The following PRKCH variants were observed in gnomAD, a reference collection of about 807,000 sequenced individuals.
PRKCH encodes protein kinase C eta type.
In PRKCH, 28 loss-of-function variants were observed where a neutral mutation model predicts 82.5. The ratio of observed to expected loss-of-function variants is 0.34; its 90% confidence interval spans 0.25 to 0.47. The LOEUF is 0.47. Among genes scored for constraint, PRKCH ranks in the 20% least tolerant of loss-of-function variants. The probability of loss-of-function intolerance (pLI) is 1.00; values close to 1 mark genes in which losing one functional copy is unlikely to be tolerated. For missense variants in PRKCH, 705 were observed against 881.8 expected, an observed-to-expected ratio of 0.80 and a Z score of 2.54; for synonymous variants, 322 against 327.4, an observed-to-expected ratio of 0.98 and a Z score of 0.18.
At chr14:61,392,063 T>A (rs2046691117) in intron 2 of PRKCH, among the ~76,000 whole-genome samples, 1 of 152,206 alleles carries the variant, frequency 6.6e-6, no homozygotes, top group Admixed American at 6.5e-5. Flanking sequence ...TTTAGAAGAT[T>A]CATATCATTG....
intron 9 of PRKCH, among the ~76,000 whole-genome samples, chr14:61,473,439 C>G (rs933530963): frequency 6.6e-6 from 1 of 152,134 alleles, no homozygotes; most frequent in African/African-American, 2.4e-5. Flanking sequence ...ATGCTGGGCC[C>G]GTGATCTGGG....
At chr14:61,530,785 C>G (rs1395842562) in intron 12 of PRKCH, among the ~76,000 whole-genome samples, 190 bp downstream of exon 12, 1 of 152,234 alleles carries the variant, frequency 6.6e-6, no homozygotes, top group African/African-American at 2.4e-5. Context: ...AATAGACCCT[C>G]TCTTATGCAG....
chr14:61,549,230 A>T (rs2043297123), intron 13 of PRKCH, among the ~76,000 whole-genome samples: 2 of 152,214 alleles, frequency 1.3e-5, no homozygotes, highest in Admixed American at 1.3e-4. Flanking sequence ...CACTTGCAAG[A>T]AATCTTTTGG....
chr14:61,440,106 C>G (rs1451760294), intron 2 of PRKCH, among the ~76,000 whole-genome samples: 1 of 152,166 alleles, frequency 6.6e-6, no homozygotes, highest in Non-Finnish European at 1.5e-5. Context: ...TGAGCTGGGT[C>G]TCAGGCTGGT....
intron 12 of PRKCH, among the ~76,000 whole-genome samples, chr14:61,538,778 C>T (rs1252855193): frequency 6.6e-6 from 1 of 152,192 alleles, no homozygotes; most frequent in Non-Finnish European, 1.5e-5. Flanking sequence ...TCCTTGCCAA[C>T]TATCAAAGGT....
chr14:61,210,116 ATATATATATATATATATATATATATATAT>A (rs2044560106), intron 1 of PRKCH, among the ~76,000 whole-genome samples: 2 of 13,560 alleles, frequency 1.5e-4, no homozygotes, highest in African/African-American at 1.2e-3. Flanking sequence ...AAACAAATAT[ATATATATATATATATATATATATATATAT>A]ATATATATAT....
intron 10 of PRKCH, among the ~76,000 whole-genome samples, chr14:61,527,741 T>C (rs886098919): frequency 1.4e-4 from 22 of 152,188 alleles, no homozygotes; most frequent in Admixed American, 3.9e-4. Context: ...AGATTTTTCA[T>C]GGCCCCAGCA....
upstream of PRKCH, among the ~76,000 whole-genome samples, chr14:61,316,910 G>C (rs1333688654): frequency 6.6e-6 from 1 of 152,188 alleles, no homozygotes; most frequent in Non-Finnish European, 1.5e-5. Context: ...ATGAGGAACA[G>C]GGAGAGGGGA....
chr14:61,364,632 C>G (rs990291739), intron 1 of PRKCH, among the ~76,000 whole-genome samples: 10 of 151,800 alleles, frequency 6.6e-5, no homozygotes, highest in Admixed American at 6.6e-5. Flanking sequence ...CTCAGGAGTT[C>G]GAGAGACCAG....
At chr14:61,380,009 C>T (rs574094416) in intron 1 of PRKCH, among the ~76,000 whole-genome samples, 9 of 152,090 alleles carry the variant, frequency 5.9e-5, no homozygotes, top group African/African-American at 1.7e-4. Flanking sequence ...TCCCTAGGGA[C>T]GTCTTATCAG....
rs1454026009 is a variant in PRKCH, at chr14:61,280,878, G to A, written c.-19+93210G>A. 7 of 1,561,284 alleles carry A rather than the reference G, an allele frequency of 4.5e-6. No homozygotes were observed. The East Asian group carries it at 6.9e-5, about 15-fold the overall frequency. On this transcript the variant is annotated intron_variant, in intron 1 of 3. Coordinates refer to the PRKCH transcript ENST00000555185. This position sits in a 1 kb window ranked among gnomAD's most constrained non-coding sequence, Gnocchi z 5.0. ...AGAAGTACCAGGCGCACGAGCAGGG[G>A]GGCGGCAGCGCCCGGCCCTGGCCAG...
rs775228071 is a variant in PRKCH, at chr14:61,485,441, C to T, written c.1279-61C>T. 58 of 1,565,146 alleles carry T rather than the reference C, an allele frequency of 3.7e-5. No individual in the cohort carries two copies. In the East Asian group the frequency reaches 8.6e-4, roughly 23 times the overall value. ...TGCCACAGCCTTAGGCAATATGCTG[C>T]TGATGGAGCTCTAGGTTAATTGCTA... On this transcript the variant is annotated intron_variant, in intron 9 of 13. Coordinates refer to ENST00000332981, the MANE Select transcript of PRKCH (RefSeq NM_006255.5).
intron 1 of PRKCH, among the ~76,000 whole-genome samples, chr14:61,290,260 C>G (rs865911400): frequency 6.6e-6 from 1 of 151,740 alleles, no homozygotes; most frequent in African/African-American, 2.4e-5. Flanking sequence ...CCAGTGCACT[C>G]CAGCCTGGGC....
intron 1 of PRKCH, among the ~76,000 whole-genome samples, chr14:61,242,762 T>C (rs190384528): frequency 6.6e-6 from 1 of 152,298 alleles, no homozygotes; most frequent in East Asian, 1.9e-4. Flanking sequence ...CCCTGGGAGA[T>C]AGGGTTATAG....
chr14:61,434,321 G>T (rs546477674), intron 2 of PRKCH, among the ~76,000 whole-genome samples: 7 of 152,282 alleles, frequency 4.6e-5, no homozygotes, highest in Non-Finnish European at 7.4e-5. Context: ...TCCACATGAT[G>T]CAACCCAAAT....
At chr14:61,268,923 A>G (rs188543089) in intron 1 of PRKCH, among the ~76,000 whole-genome samples, 27 of 152,342 alleles carry the variant, frequency 1.8e-4, no homozygotes, top group Non-Finnish European at 3.4e-4. Context: ...AGTCAGTTTC[A>G]TACAGTTCCT....
chr14:61,467,295 C>T (rs1038341983), intron 9 of PRKCH, among the ~76,000 whole-genome samples: 33 of 152,172 alleles, frequency 2.2e-4, no homozygotes, highest in African/African-American at 7.5e-4. Flanking sequence ...AATGTGTGTT[C>T]CTTACTTCTG....
chr14:61,323,162 GGTT>G (rs1264405986), intron 1 of PRKCH, among the ~76,000 whole-genome samples: 3 of 152,150 alleles, frequency 2.0e-5, no homozygotes, highest in African/African-American at 7.2e-5. Flanking sequence ...CTCCTCAGGA[GGTT>G]GTTAACTGTC....
chr14:61,432,977 C>T (rs1883484053), intron 2 of PRKCH, among the ~76,000 whole-genome samples: 2 of 141,956 alleles, frequency 1.4e-5, no homozygotes, highest in Non-Finnish European at 3.0e-5. Context: ...TATACGTGTA[C>T]CATGGTGGTT....
Sources: allele counts gnomAD v4.1 joint callset (sites outside exome capture counted in the v4.1 genomes callset), GRCh38; gene constraint gnomAD v4.1.1; non-coding constraint Gnocchi (gnomAD v3.1); transcripts MANE v1.5; gene names NCBI Gene and HGNC (gene_info 2026-07-23, HGNC 2026-07-21).